Variants in ELFN2 observed in about 807,000 individuals in gnomAD.
The protein encoded by ELFN2 is extracellular leucine rich repeat and fibronectin type III domain containing 2, also known as protein phosphatase 1 regulatory subunit 29.
ELFN2 carries 17 observed loss-of-function variants against 45.5 expected under a neutral mutation model. That is an observed-to-expected ratio of 0.37 (90% confidence interval 0.26 to 0.56). ELFN2 has a LOEUF of 0.56. Ranked by LOEUF, ELFN2 falls within the 20% of genes least tolerant of loss-of-function variation. The pLI is 0.77. For missense variants in ELFN2, 922 were observed against 1,183.2 expected (o/e 0.78, Z 3.24); for synonymous variants, 550 against 551.5 (o/e 1.00, Z 0.04).
chr22:37,399,701 C>A (rs1238934553), intron 2 of ELFN2, among the ~76,000 whole-genome samples: 1 of 152,136 alleles, frequency 6.6e-6, no homozygotes, highest in Non-Finnish European at 1.5e-5. Flanking sequence ...CCCCACTGAG[C>A]CCCCTGCGTC....
intron 2 of ELFN2, among the ~76,000 whole-genome samples, chr22:37,391,607 T>A (rs904406217): frequency 6.6e-6 from 1 of 151,910 alleles, no homozygotes; most frequent in Non-Finnish European, 1.5e-5. Flanking sequence ...CACCCATGAC[T>A]CCCCAGATAC....
chr22:37,411,097 G>C (rs1225701876), intron 2 of ELFN2, among the ~76,000 whole-genome samples: 1 of 152,232 alleles, frequency 6.6e-6, no homozygotes, highest in African/African-American at 2.4e-5. Context: ...ACCCTTGGGT[G>C]GTGGGCACTA....
intron 2 of ELFN2, among the ~76,000 whole-genome samples, chr22:37,395,581 C>T (rs184576884): frequency 2.0e-5 from 3 of 152,280 alleles, no homozygotes; most frequent in Non-Finnish European, 4.4e-5. Flanking sequence ...GGGAGAGAGG[C>T]ACCCCTTGGC....
At chr22:37,415,834 C>T (rs1362146212) in intron 2 of ELFN2, among the ~76,000 whole-genome samples, 2 of 152,140 alleles carry the variant, frequency 1.3e-5, no homozygotes, top group Non-Finnish European at 2.9e-5. Context: ...TGGTGGCACG[C>T]GCCTATAGTC....
chr22:37,366,158 A>C (rs1443416152), downstream of ELFN2, among the ~76,000 whole-genome samples: 1 of 152,242 alleles, frequency 6.6e-6, no homozygotes, highest in East Asian at 1.9e-4. Flanking sequence ...CATTTCCCTA[A>C]TTGCATTTGT....
intron 2 of ELFN2, among the ~76,000 whole-genome samples, chr22:37,383,848 T>C (rs1931858023): frequency 6.6e-6 from 1 of 152,176 alleles, no homozygotes; most frequent in Admixed American, 6.5e-5. Context: ...CTTGGTGCTT[T>C]GGACGCGCAT....
chr22:37,356,159 G>T (rs555152323), intron 1 of ELFN2, among the ~76,000 whole-genome samples: 1 of 152,210 alleles, frequency 6.6e-6, no homozygotes, highest in Non-Finnish European at 1.5e-5. Context: ...AGGAGGGGGC[G>T]GTCAACTTCT....
chr22:37,376,808 G>A (rs1931596624), intron 2 of ELFN2, among the ~76,000 whole-genome samples: 1 of 152,208 alleles, frequency 6.6e-6, no homozygotes, highest in African/African-American at 2.4e-5. Flanking sequence ...CTTCCCTGGA[G>A]CACCTTGATC....
intron 1 of ELFN2, among the ~76,000 whole-genome samples, chr22:37,360,541 G>A (rs375347191): frequency 1.3e-5 from 2 of 152,102 alleles, no homozygotes; most frequent in Non-Finnish European, 2.9e-5. Context: ...CGTGGACCAC[G>A]TACCTCTGTA....
At chr22:37,361,553 C>T (rs895759882) in intron 1 of ELFN2, among the ~76,000 whole-genome samples, 3 of 152,102 alleles carry the variant, frequency 2.0e-5, no homozygotes, top group Admixed American at 1.3e-4. Context: ...AAAACCACTT[C>T]CTCTCCCTTT....
At chr22:37,396,670 G>A (rs1932221613) in intron 2 of ELFN2, among the ~76,000 whole-genome samples, 3 of 151,788 alleles carry the variant, frequency 2.0e-5, no homozygotes, top group South Asian at 2.1e-4. Context: ...TTCCTGCCCC[G>A]ACCCACTAAC....
At chr22:37,403,468 G>A (rs1377573626) in intron 2 of ELFN2, among the ~76,000 whole-genome samples, 4 of 152,212 alleles carry the variant, frequency 2.6e-5, no homozygotes, top group African/African-American at 2.4e-5. Context: ...CTGGGTCCCG[G>A]TTGCCTGGGC....
At chr22:37,381,399 G>GTGCTTCC (rs1333264885) in intron 2 of ELFN2, among the ~76,000 whole-genome samples, 3 of 152,112 alleles carry the variant, frequency 2.0e-5, no homozygotes, top group Non-Finnish European at 2.9e-5. Flanking sequence ...AGGAAGTACT[G>GTGCTTCC]ATTCCAGGCC....
At chr22:37,403,579 C>T (rs763786366) in intron 2 of ELFN2, among the ~76,000 whole-genome samples, 18 of 152,196 alleles carry the variant, frequency 1.2e-4, no homozygotes, top group African/African-American at 3.6e-4. Flanking sequence ...AGCGAGAGGG[C>T]CTGGGAGGCT....
chr22:37,399,873 T>C (rs1411843563), intron 2 of ELFN2, among the ~76,000 whole-genome samples: 1 of 152,104 alleles, frequency 6.6e-6, no homozygotes, highest in East Asian at 1.9e-4. Flanking sequence ...TCCTGGTAAA[T>C]GAAAGAAGGA....
chr22:37,378,045 T>C (rs8137422), intron 2 of ELFN2, among the ~76,000 whole-genome samples: 73,001 of 152,120 alleles, frequency 0.48, 18,296 homozygotes, highest in African/African-American at 0.61. Context: ...GCAGTCCCTC[T>C]TCCTCATCGG....
rs1569131442 is a variant in ELFN2, at chr22:37,373,072, T to C, written c.2463A>G (p.Ter821TrpextTer52). 2 of 1,577,824 alleles carry C rather than the reference T, an allele frequency of 1.3e-6. No homozygotes were observed. The highest frequency in any genetic ancestry group is 1.7e-6 in the Non-Finnish European group (2 of 1,156,968). Residue 821 changes from the stop codon to tryptophan, a stop_lost, in exon 3 of 3, where the codon TGA (stop) becomes TGG (tryptophan). Transcript: ENST00000402918. ...WKGVSAQQKL[*>W] ...ACCTCACCAGGGAGGAAGGGGGGGG[T>C]CACAGCTTCTGCTGGGCGGAGACCC...
At chr22:37,424,685 G>GC (rs367964995) in intron 1 of ELFN2, among the ~76,000 whole-genome samples, 4 of 148,180 alleles carry the variant, frequency 2.7e-5, no homozygotes, top group African/African-American at 1.1e-4. Flanking sequence ...GGCGGCGGGG[G>GC]GGGGGATGGA....
rs1180193037 is a variant in ELFN2 at position 37,375,523 on chromosome 22, C to T, written c.12G>A (p.Leu4=). The T allele has an allele frequency of 6.4e-7, 1 of 1,556,250 alleles. No homozygotes were observed. The highest frequency in any genetic ancestry group is 8.7e-7 in the Non-Finnish European group (1 of 1,150,292). ...ACAGCAGCGCCGCCGCGCACAGCCC[C>T]AGGCGCAGCATGGCGCTGGCCTCGG... MLR[L]GLCAAALLCV... The change falls in exon 3 of 3, where the codon CTG becomes CTA. Residue 4 remains leucine, a synonymous_variant. Transcript: ENST00000402918.
Sources: allele counts gnomAD v4.1 joint callset (sites outside exome capture counted in the v4.1 genomes callset), GRCh38; gene constraint gnomAD v4.1.1; transcripts MANE v1.5; gene names NCBI Gene and HGNC (gene_info 2026-07-23, HGNC 2026-07-21).